SPACA6: variants seen among roughly 807,000 people sequenced by gnomAD.
SPACA6 encodes the protein sperm acrosome associated 6.
For missense variants in SPACA6, 8 were observed against 2.8 expected (o/e 2.88, Z -1.34); for synonymous variants, 6 against 1.5 (o/e 4.05, Z -2.21).
intron 2 of SPACA6, among the ~76,000 whole-genome samples, chr19:51,710,607 C>T (rs74394747): frequency 0.024 from 3,617 of 152,154 alleles, 82 homozygotes; most frequent in African/African-American, 0.059. Context: ...AATTTAAGGG[C>T]GAAGTCTGGT....
Position 51,705,113 on chromosome 19 carries a change from G to C in SPACA6, c.965G>C (p.Ser322Thr), listed in dbSNP as rs1196168010. 1.0e-5 allele frequency: 4 copies of C among 401,196 alleles called. No homozygotes were observed. The highest frequency in any genetic ancestry group is 1.8e-5 in the Non-Finnish European group (4 of 226,288). 24.9% of individuals were successfully genotyped at this position (401,196 alleles called of 1,614,324 possible). A position where few individuals can be genotyped will look rare whatever the true frequency, so the allele number is the denominator to read the frequency against. The change falls in exon 9 of 9, where the codon AGT (serine) becomes ACT (threonine). Residue 322 changes from serine to threonine, a missense_variant. Coordinates refer to ENST00000637797, the MANE Select transcript of SPACA6 (RefSeq NM_001316972.2). ...LAWMFFRWYC[S>T]GN Reference sequence around the variant, plus strand: ...AGGATGTTCTTTCGATGGTACTGCAGTGGCAACTAACAAAGGTATCTTTCC... The same window carrying C: ...AGGATGTTCTTTCGATGGTACTGCACTGGCAACTAACAAAGGTATCTTTCC...
upstream of SPACA6, among the ~76,000 whole-genome samples, chr19:51,692,437 G>T (rs2083382012): frequency 6.6e-6 from 1 of 152,088 alleles, no homozygotes; most frequent in South Asian, 2.1e-4. The surrounding 1 kb of genome is among the most constrained non-coding windows in gnomAD (Gnocchi z 5.6). Context: ...GGAGAAAAGG[G>T]CCAGAGGCCT....
chr19:51,706,467 G>A (rs951191532), downstream of SPACA6, among the ~76,000 whole-genome samples: 1 of 151,996 alleles, frequency 6.6e-6, no homozygotes, highest in African/African-American at 2.4e-5. Context: ...TTAGGTCCCT[G>A]GAACATGCAA....
At chr19:51,708,707 A>G (rs2083527871), downstream of SPACA6, among the ~76,000 whole-genome samples, 2 of 152,154 alleles carry the variant, frequency 1.3e-5, no homozygotes, top group African/African-American at 2.4e-5. Flanking sequence ...CATGCCTGTA[A>G]TCCCAGCTAC....
At chr19:51,710,260 T>C (rs561319051), downstream of SPACA6, among the ~76,000 whole-genome samples, 4 of 152,342 alleles carry the variant, frequency 2.6e-5, no homozygotes, top group South Asian at 8.3e-4. Flanking sequence ...AGCTTCTTAA[T>C]TGTTTCTATA....
intron 8 of SPACA6, chr19:51,704,686 T>A (rs2083501033): frequency 2.6e-6 from 1 of 386,356 alleles, no homozygotes; most frequent in Admixed American, 4.7e-5. Flanking sequence ...GATCTAAGAG[T>A]CCAGGCCCCC....
chr19:51,702,827 TGA>T (rs2083479947), intron 4 of SPACA6, 175 bp downstream of exon 4: 1 of 398,436 alleles, frequency 2.5e-6, no homozygotes, highest in Non-Finnish European at 4.4e-6. Flanking sequence ...AAGGTGTGTG[TGA>T]GAGCCGAAGC....
chr19:51,708,469 G>C (rs967002392), downstream of SPACA6, among the ~76,000 whole-genome samples: 1 of 152,206 alleles, frequency 6.6e-6, no homozygotes, highest in African/African-American at 2.4e-5. Flanking sequence ...CACTGAGAAA[G>C]TGACGTTTGA....
downstream of SPACA6, among the ~76,000 whole-genome samples, chr19:51,709,560 A>T: frequency 7.0e-6 from 1 of 142,564 alleles, no homozygotes. Context: ...AGATGACATG[A>T]GCCATGACTG....
chr19:51,683,234 A>G, the SPACA6 span, among the ~76,000 whole-genome samples: 2 of 152,076 alleles, frequency 1.3e-5, no homozygotes, highest in African/African-American at 2.4e-5. Context: ...TGCCTCCATC[A>G]TCACATGGCC....
At chr19:51,698,290 A>G (rs1453896397) in intron 2 of SPACA6, among the ~76,000 whole-genome samples, 3 of 152,088 alleles carry the variant, frequency 2.0e-5, no homozygotes, top group Non-Finnish European at 4.4e-5. Context: ...GACGATATGC[A>G]ACTCCTCTGG....
chr19:51,683,954 A>G, the SPACA6 span, among the ~76,000 whole-genome samples: 1 of 152,212 alleles, frequency 6.6e-6, no homozygotes, highest in African/African-American at 2.4e-5. Flanking sequence ...AACAATATAT[A>G]TGTGTACAAA....
chr19:51,692,722 C>G (rs750563203), upstream of SPACA6: 6 of 534,010 alleles, frequency 1.1e-5, no homozygotes, highest in East Asian at 2.2e-4. This position sits in a 1 kb window ranked among gnomAD's most constrained non-coding sequence, Gnocchi z 5.6. Context: ...CGGCCCTCCC[C>G]CTCATCCCTG....
chr19:51,704,166 G>A lies in SPACA6; in HGVS notation c.710G>A (p.Arg237Gln), dbSNP rs753059862. 6 of 400,990 alleles carry A rather than the reference G, an allele frequency of 1.5e-5. No homozygotes were observed. The highest frequency in any genetic ancestry group is 8.8e-5 in the Admixed American group (2 of 22,726). 24.8% of individuals were successfully genotyped at this position (400,990 alleles called of 1,614,324 possible). ...VIKQDQRPLA[R>Q]LYFFLNVTGP... ...AAGCAAGACCAGCGCCCCCTGGCCCGGCTCTACTTCTTTCTTAACGGTGGG... is the reference window on the plus strand; with the variant it reads ...AAGCAAGACCAGCGCCCCCTGGCCCAGCTCTACTTCTTTCTTAACGGTGGG... Residue 237 changes from arginine (R) to glutamine (Q), a missense_variant, in exon 7 of 9, where the codon CGG becomes CAG. Physicochemically the swap from Arg to Gln is conservative, Grantham distance 43. Transcript: ENST00000637797.
At chr19:51,699,918 G>C (rs2083456181) in intron 2 of SPACA6, among the ~76,000 whole-genome samples, 1 of 152,064 alleles carries the variant, frequency 6.6e-6, no homozygotes, top group African/African-American at 2.4e-5. Flanking sequence ...TATTCCACTG[G>C]AACAAGCCAC....
chr19:51,696,422 CAG>C (rs1450529284), intron 2 of SPACA6, among the ~76,000 whole-genome samples: 1 of 151,932 alleles, frequency 6.6e-6, no homozygotes, highest in Non-Finnish European at 1.5e-5. Context: ...TGGAGGAAAA[CAG>C]AGAAGGGGAA....
At position 51,703,764 on chromosome 19, in the gene SPACA6, C is replaced by G. The variant is rs1390429661; in HGVS notation, c.574-266C>G. On this transcript the variant is annotated intron_variant, in intron 6 of 8. Transcript: ENST00000637797. This position sits in a 1 kb window ranked among gnomAD's most constrained non-coding sequence, Gnocchi z 4.2. The stretch of plus-strand genomic sequence containing the variant: ...AGTGAGCTATGATCGCGCCACTGCA[C>G]TGCAGCCTGGGCGCCAGAACGAGAC... Among the ~76,000 whole-genome samples the G allele has an allele frequency of 6.6e-6, 1 of 151,998 alleles. No individual in the cohort carries two copies. The highest frequency in any genetic ancestry group is 1.5e-5 in the Non-Finnish European group (1 of 67,988).
chr19:51,700,070 A>G (rs2083457414), intron 2 of SPACA6, among the ~76,000 whole-genome samples: 1 of 152,112 alleles, frequency 6.6e-6, no homozygotes, highest in Admixed American at 6.6e-5. Context: ...CCTGGCCAAC[A>G]TGGTGAAACC....
At chr19:51,693,998 CAGAGAG>C in intron 1 of SPACA6, 1 of 317,772 alleles carries the variant, frequency 3.1e-6, no homozygotes. Context: ...GATGGAGACT[CAGAGAG>C]AGAGGAAGAT....
Sources: allele counts gnomAD v4.1 joint callset (sites outside exome capture counted in the v4.1 genomes callset), GRCh38; gene constraint gnomAD v4.1.1; non-coding constraint Gnocchi (gnomAD v3.1); transcripts MANE v1.5; gene names NCBI Gene and HGNC (gene_info 2026-07-23, HGNC 2026-07-21).